GPALPP1: variants seen among roughly 807,000 people sequenced by gnomAD.
GPALPP1 encodes the protein GPALPP motifs-containing protein 1.
A neutral mutation model predicts 38.9 loss-of-function variants in GPALPP1; 30 were observed. The ratio of observed to expected loss-of-function variants is 0.77; its 90% confidence interval spans 0.58 to 1.05. The LOEUF (loss-of-function observed/expected upper bound fraction) is 1.05, where lower values mean the gene tolerates loss of function less well. Among genes scored for constraint, GPALPP1 ranks in the 50% least tolerant of loss-of-function variants. The pLI is 0.00. For missense variants in GPALPP1, 384 were observed against 408.8 expected, an observed-to-expected ratio of 0.94 and a Z score of 0.52; for synonymous variants, 120 against 139.2, an observed-to-expected ratio of 0.86 and a Z score of 0.97.
At chr13:45,025,205 A>G (rs1388376529) in intron 7 of GPALPP1, among the ~76,000 whole-genome samples, 2 of 152,238 alleles carry the variant, frequency 1.3e-5, no homozygotes, top group Non-Finnish European at 2.9e-5. Context: ...CTAAGAGTTA[A>G]GAAACCAGGT....
chr13:45,029,954 A>G lies in GPALPP1; in HGVS notation c.*1951A>G, dbSNP rs1219450231. 6.6e-6 allele frequency: 1 copy of G among 152,224 alleles called. No homozygotes were observed. Among genetic ancestry groups the G allele is most frequent in the Admixed American group, 6.5e-5 (1 of 15,284 alleles). The allele number at this position is 152,224 out of a possible 1,614,324, so 9.4% of individuals were successfully genotyped here. ...AGCATTGTGAAATCTGTAAGACTCA[A>G]TCTCTGATCTCAACCAAAGCTTTCT... On this transcript the variant is annotated 3_prime_UTR_variant, in exon 8 of 8. Transcript: ENST00000379151.
chr13:45,015,221 C>T (rs1874761407), intron 5 of GPALPP1, 138 bp downstream of exon 5: 1 of 611,932 alleles, frequency 1.6e-6, no homozygotes, highest in African/African-American at 1.9e-5. Flanking sequence ...AGTTAGAACC[C>T]AGAAACTCTA....
chr13:45,037,334 G>C (rs1321769218), exon 8 of GPALPP1: 1 of 152,076 alleles, frequency 6.6e-6, no homozygotes, highest in Admixed American at 6.6e-5. Flanking sequence ...TGTCTTTTTA[G>C]GTAATGGCTG....
At chr13:45,035,425 C>G (rs1357976552) in exon 8 of GPALPP1, 1 of 152,230 alleles carries the variant, frequency 6.6e-6, no homozygotes, top group South Asian at 2.1e-4. Flanking sequence ...CCACTAATAA[C>G]TGTCATTAGT....
chr13:45,024,869 C>T (rs183273221), intron 7 of GPALPP1, among the ~76,000 whole-genome samples: 7 of 152,084 alleles, frequency 4.6e-5, no homozygotes, highest in Admixed American at 1.3e-4. Flanking sequence ...TGCAGTGAGC[C>T]GAGACCCCGC....
In GPALPP1 at chr13:45,027,880, A is replaced by G. The variant is rs930656755; in HGVS notation, c.900A>G (p.Pro300=). 2 of 1,605,594 alleles carry G rather than the reference A, an allele frequency of 1.2e-6. No individual in the cohort carries two copies. The highest frequency in any genetic ancestry group is 1.7e-6 in the Non-Finnish European group (2 of 1,172,308). ...AAAATAAGCCTCAAGAGAGAATACC[A>G]TTTGACCGTGATAAAGATCTCAAGG... ...EDKNKPQERI[P]FDRDKDLKVN... The change falls in exon 8 of 8, where the codon CCA becomes CCG. Residue 300 remains proline, a synonymous_variant. Coordinates refer to ENST00000379151, the MANE Select transcript of GPALPP1 (RefSeq NM_018559.5).
chr13:45,015,372 A>G, intron 5 of GPALPP1, 60 bp from the exon 6 acceptor site: 2 of 1,017,088 alleles, frequency 2.0e-6, no homozygotes, highest in Non-Finnish European at 2.8e-6. Context: ...GTACATATAT[A>G]TGTACTCATC....
At chr13:45,034,050 G>A (rs1876320947), downstream of GPALPP1, 1 of 152,220 alleles carries the variant, frequency 6.6e-6, no homozygotes, top group Non-Finnish European at 1.5e-5. Flanking sequence ...ATAGGAATCT[G>A]AACATGTAGG....
intron 6 of GPALPP1, among the ~76,000 whole-genome samples, chr13:45,017,563 C>G (rs1004475023): frequency 1.3e-5 from 2 of 152,238 alleles, no homozygotes; most frequent in African/African-American, 4.8e-5. Flanking sequence ...CCCTTGCTTA[C>G]ATGCCTTTTT....
chr13:45,019,879 ATTTTTT>A (rs34893767), intron 6 of GPALPP1, among the ~76,000 whole-genome samples: 2 of 85,570 alleles, frequency 2.3e-5, no homozygotes, highest in African/African-American at 4.8e-5. Context: ...TAATATTTTG[ATTTTTT>A]TTTTTTTTTT....
At chr13:45,018,309 A>G (rs1875021970) in intron 6 of GPALPP1, among the ~76,000 whole-genome samples, 1 of 151,960 alleles carries the variant, frequency 6.6e-6, no homozygotes, top group African/African-American at 2.4e-5. Flanking sequence ...AGACAGGAGA[A>G]TGGCGTGAAC....
chr13:45,000,932 A>G (rs1003401774), intron 1 of GPALPP1, among the ~76,000 whole-genome samples: 1 of 152,234 alleles, frequency 6.6e-6, no homozygotes, highest in South Asian at 2.1e-4. Context: ...TTCTATAGTA[A>G]TGCACCAAGA....
At chr13:45,019,079 ATAAATATATG>A (rs1372747756) in intron 6 of GPALPP1, among the ~76,000 whole-genome samples, 1 of 137,532 alleles carries the variant, frequency 7.3e-6, no homozygotes, top group East Asian at 2.0e-4. Context: ...ATATATACAT[ATAAATATATG>A]TATATATATT....
At chr13:45,011,439 C>T (rs1455031108) in intron 4 of GPALPP1, among the ~76,000 whole-genome samples, 1 of 152,150 alleles carries the variant, frequency 6.6e-6, no homozygotes, top group African/African-American at 2.4e-5. Flanking sequence ...CACAGTTTAG[C>T]ATGGCTGGGG....
chr13:45,028,198 C>T lies in GPALPP1; in HGVS notation c.*195C>T, dbSNP rs1875981312. The T allele has an allele frequency of 2.9e-6, 1 of 345,806 alleles. No homozygotes were observed. Among genetic ancestry groups the T allele is most frequent in the African/African-American group, 2.1e-5 (1 of 46,750 alleles). 21.4% of individuals were successfully genotyped at this position (345,806 alleles called of 1,614,324 possible). A position where few individuals can be genotyped will look rare whatever the true frequency, so the allele number is the denominator to read the frequency against. On this transcript the variant is annotated 3_prime_UTR_variant, in exon 8 of 8. Transcript: ENST00000379151. Reference sequence around the variant, plus strand: ...AAAAATATGTCTTACTGGAAAAATCCCTCATAATAACCTAATAGGGCATTG... The same window carrying T: ...AAAAATATGTCTTACTGGAAAAATCTCTCATAATAACCTAATAGGGCATTG...
downstream of GPALPP1, chr13:45,034,853 C>A (rs369769902): frequency 7.9e-5 from 12 of 151,024 alleles, no homozygotes; most frequent in African/African-American, 2.9e-4. Context: ...TCTCCTGCCT[C>A]AGCCTCCTGA....
chr13:45,003,924 A>T (rs540729861), intron 1 of GPALPP1, among the ~76,000 whole-genome samples: 3 of 151,632 alleles, frequency 2.0e-5, no homozygotes, highest in African/African-American at 7.3e-5. Context: ...AAAAAAAATC[A>T]TGAAGCCATT....
chr13:44,992,868 C>T (rs536081576), intron 1 of GPALPP1, among the ~76,000 whole-genome samples: 24 of 152,136 alleles, frequency 1.6e-4, no homozygotes, highest in Non-Finnish European at 2.9e-4. Context: ...CATTGTTGTG[C>T]GGTCATCACC....
At chr13:44,993,924 T>C (rs939871028) in intron 1 of GPALPP1, among the ~76,000 whole-genome samples, 4 of 151,954 alleles carry the variant, frequency 2.6e-5, no homozygotes, top group African/African-American at 9.7e-5. Context: ...CATATGCTTA[T>C]TGGCTTGTGC....
Sources: gnomAD v4.1 joint callset for allele counts (sites outside exome capture counted in the v4.1 genomes callset) on GRCh38, gnomAD v4.1.1 for gene constraint, MANE v1.5 for transcripts, NCBI Gene and HGNC (gene_info 2026-07-23, HGNC 2026-07-21) for gene names.